The following P3H2 variants were observed in gnomAD, a reference collection of about 807,000 sequenced individuals.
P3H2 encodes prolyl 3-hydroxylase 2.
A neutral mutation model predicts 87.0 loss-of-function variants in P3H2; 80 were observed. The ratio of observed to expected loss-of-function variants is 0.92; its 90% CI spans 0.77 to 1.11. The LOEUF is 1.11. P3H2 is among the 50% of genes least tolerant of loss of function. The pLI, the probability that P3H2 is intolerant of heterozygous loss-of-function variation, is 0.00. For missense variants in P3H2, 1,001 were observed against 923.9 expected, an observed-to-expected ratio of 1.08 and a Z score of -1.08; for synonymous variants, 367 against 359.3, an observed-to-expected ratio of 1.02 and a Z score of -0.24.
intron 1 of P3H2, among the ~76,000 whole-genome samples, chr3:190,106,346 C>T (rs901220483): frequency 3.9e-5 from 6 of 152,030 alleles, no homozygotes; most frequent in African/African-American, 1.2e-4. Context: ...TGCTACAGTG[C>T]GCAGTGTTGA....
At chr3:190,051,537 A>G (rs1023966786) in intron 1 of P3H2, among the ~76,000 whole-genome samples, 5 of 152,258 alleles carry the variant, frequency 3.3e-5, no homozygotes, top group Non-Finnish European at 2.9e-5. Flanking sequence ...TACAAGTTAC[A>G]GCTTATTTTC....
At chr3:190,082,717 T>C (rs1727082841) in intron 1 of P3H2, among the ~76,000 whole-genome samples, 4 of 152,232 alleles carry the variant, frequency 2.6e-5, no homozygotes, top group African/African-American at 9.6e-5. Context: ...TAAATGAATT[T>C]GTGAAGGTGA....
At chr3:190,097,634 C>T (rs1457686530) in intron 1 of P3H2, among the ~76,000 whole-genome samples, 3 of 129,880 alleles carry the variant, frequency 2.3e-5, no homozygotes, top group Admixed American at 2.1e-4. Flanking sequence ...TGTTGGATTA[C>T]CCACAATAAA....
chr3:189,995,548 G>A, intron 1 of P3H2, 106 bp from the exon 2 acceptor site: 3 of 1,050,234 alleles, frequency 2.9e-6, no homozygotes, highest in South Asian at 3.0e-5. Flanking sequence ...ATGAAACTAG[G>A]AGCCTTGGTT....
intron 1 of P3H2, among the ~76,000 whole-genome samples, chr3:190,108,211 G>A (rs924610123): frequency 1.3e-5 from 2 of 151,864 alleles, no homozygotes; most frequent in Non-Finnish European, 1.5e-5. Context: ...TAGTGCAGTG[G>A]TGCAATCATG....
chr3:190,040,373 G>C (rs970311383), intron 1 of P3H2, among the ~76,000 whole-genome samples: 2 of 152,232 alleles, frequency 1.3e-5, no homozygotes, highest in African/African-American at 4.8e-5. Context: ...TTGTAAGGGA[G>C]AATGCCAACT....
chr3:190,075,787 G>A (rs1373471165), intron 1 of P3H2, among the ~76,000 whole-genome samples: 4 of 152,238 alleles, frequency 2.6e-5, no homozygotes, highest in African/African-American at 4.8e-5. Context: ...AAGATAGGTC[G>A]GGTCAGATCT....
intron 1 of P3H2, among the ~76,000 whole-genome samples, chr3:190,072,121 A>T (rs2108973590): frequency 6.6e-6 from 1 of 151,790 alleles, no homozygotes; most frequent in East Asian, 2.0e-4. Context: ...TACAGGCATG[A>T]TTACAGTGAT....
At chr3:190,042,316 G>A (rs1157991079) in intron 1 of P3H2, among the ~76,000 whole-genome samples, 1 of 152,132 alleles carries the variant, frequency 6.6e-6, no homozygotes, top group Non-Finnish European at 1.5e-5. Flanking sequence ...ACTGACAGCA[G>A]AAAGTATATG....
chr3:189,993,386 G>A (rs921855758), intron 3 of P3H2, among the ~76,000 whole-genome samples: 3 of 146,662 alleles, frequency 2.0e-5, no homozygotes, highest in Non-Finnish European at 4.5e-5. Flanking sequence ...CCCTCATTTT[G>A]TTCTAACAGT....
intron 1 of P3H2, among the ~76,000 whole-genome samples, chr3:190,089,429 A>G (rs1288769746): frequency 6.6e-6 from 1 of 152,220 alleles, no homozygotes; most frequent in African/African-American, 2.4e-5. Context: ...AAAAATTCCA[A>G]AGTAGTTGTT....
At chr3:190,000,874 T>C (rs758471809) in intron 1 of P3H2, among the ~76,000 whole-genome samples, 1 of 152,200 alleles carries the variant, frequency 6.6e-6, no homozygotes, top group Non-Finnish European at 1.5e-5. Context: ...TCAGATCTGA[T>C]ACACATTTTA....
intron 1 of P3H2, among the ~76,000 whole-genome samples, chr3:190,010,474 T>G (rs1577270879): frequency 6.6e-6 from 1 of 152,134 alleles, no homozygotes; most frequent in East Asian, 1.9e-4. Context: ...AATCTGGTGG[T>G]TTTTTGGTTT....
Position 190,120,660 on chromosome 3 carries a change from G to T in P3H2, c.72C>A (p.Gly24=). ...LPLLLPPPLW[G]GPPDSPRREL... ...CCCGGCGTGGGCTGTCCGGGGGGCC[G>T]CCCCACAGTGGCGGCGGCAGTAGCA... Residue 24 remains glycine, a synonymous_variant, in exon 1 of 15, where the codon GGC becomes GGA. Coordinates refer to ENST00000319332, the MANE Select transcript of P3H2 (RefSeq NM_018192.4). 6.6e-7 allele frequency: 1 copy of T among 1,523,726 alleles called. No homozygotes were observed. The highest frequency in any genetic ancestry group is 2.5e-5 in the East Asian group (1 of 39,646). The allele number at this position is 1,523,726 out of a possible 1,614,324, so 94.4% of individuals were successfully genotyped here.
chr3:189,976,229 A>C (rs1436381475), intron 8 of P3H2, among the ~76,000 whole-genome samples: 2 of 152,206 alleles, frequency 1.3e-5, no homozygotes, highest in Admixed American at 1.3e-4. Flanking sequence ...ATCTTAATGT[A>C]CCACGATTAA....
intron 1 of P3H2, among the ~76,000 whole-genome samples, chr3:190,113,341 T>C (rs891090038): frequency 6.7e-6 from 1 of 149,576 alleles, no homozygotes; most frequent in African/African-American, 2.6e-5. Flanking sequence ...TTTCAAGCTA[T>C]AGCATTTTTA....
chr3:190,005,989 A>G (rs892107886), intron 1 of P3H2, among the ~76,000 whole-genome samples: 1 of 152,214 alleles, frequency 6.6e-6, no homozygotes, highest in Admixed American at 6.5e-5. Context: ...AGCCACAGCA[A>G]TAACCTTCAG....
intron 1 of P3H2, among the ~76,000 whole-genome samples, chr3:190,109,839 C>T (rs1245016803): frequency 7.3e-6 from 1 of 137,684 alleles, no homozygotes. Flanking sequence ...AACCTTGATG[C>T]CCAGTCTTTT....
intron 1 of P3H2, among the ~76,000 whole-genome samples, chr3:190,111,711 C>T (rs559098197): frequency 6.6e-6 from 1 of 152,162 alleles, no homozygotes; most frequent in African/African-American, 2.4e-5. Context: ...CTTCCTATTC[C>T]CCACTTGAAT....
Sources: allele counts gnomAD v4.1 joint callset (sites outside exome capture counted in the v4.1 genomes callset), GRCh38; gene constraint gnomAD v4.1.1; transcripts MANE v1.5; gene names NCBI Gene and HGNC (gene_info 2026-07-23, HGNC 2026-07-21).